Variants in MSRA observed in about 807,000 individuals in gnomAD.
MSRA encodes methionine sulfoxide reductase A.
Under a neutral mutation model 31.3 loss-of-function variants are expected in MSRA, and 54 were observed. The observed-to-expected ratio is 1.73, with a 90% CI of 1.39 to 2.17. The LOEUF is 2.17. Ranked by LOEUF, MSRA falls within the 30% of genes most tolerant of loss-of-function variation. MSRA has a pLI of 0.00. For missense variants in MSRA, 507 were observed against 300.9 expected (o/e 1.69, Z -5.07); for synonymous variants, 169 against 116.5 (o/e 1.45, Z -2.90).
At chr8:10,236,648 G>A (rs1425433629) in intron 2 of MSRA, among the ~76,000 whole-genome samples, 1 of 152,144 alleles carries the variant, frequency 6.6e-6, no homozygotes, top group Non-Finnish European at 1.5e-5. Flanking sequence ...GAGTTCAAGC[G>A]ATTCTCCTGC....
intron 5 of MSRA, among the ~76,000 whole-genome samples, chr8:10,323,348 G>A (rs983072484): frequency 9.9e-5 from 15 of 151,088 alleles, no homozygotes; most frequent in Admixed American, 4.6e-4. Context: ...GTAATGATTC[G>A]TAGTTCTCTA....
At chr8:10,166,828 A>AC (rs557759921) in intron 1 of MSRA, among the ~76,000 whole-genome samples, 4 of 152,008 alleles carry the variant, frequency 2.6e-5, no homozygotes, top group Non-Finnish European at 4.4e-5. Flanking sequence ...CCATGGACTT[A>AC]CCCCAGAATT....
chr8:10,259,829 G>A (rs566613722), intron 3 of MSRA, among the ~76,000 whole-genome samples: 8 of 152,250 alleles, frequency 5.3e-5, no homozygotes, highest in South Asian at 2.1e-4. Flanking sequence ...TGCTCCTCTC[G>A]GCTTCTTCCA....
At chr8:10,290,144 A>G (rs1194255040) in intron 3 of MSRA, among the ~76,000 whole-genome samples, 1 of 152,228 alleles carries the variant, frequency 6.6e-6, no homozygotes, top group Non-Finnish European at 1.5e-5. Context: ...CTCCAAAGTC[A>G]GTGCCATTTA....
At chr8:10,249,757 G>C (rs908844225) in intron 3 of MSRA, among the ~76,000 whole-genome samples, 4 of 152,166 alleles carry the variant, frequency 2.6e-5, no homozygotes, top group African/African-American at 9.7e-5. Context: ...GTGCTGAGAA[G>C]TAATTCATGT....
chr8:10,328,946 G>T (rs1398779767), intron 5 of MSRA, among the ~76,000 whole-genome samples: 1 of 152,116 alleles, frequency 6.6e-6, no homozygotes, highest in Admixed American at 6.5e-5. Flanking sequence ...TGGACATGCT[G>T]CCTGGTTGAG....
intron 1 of MSRA, among the ~76,000 whole-genome samples, chr8:10,117,356 A>G (rs1432724583): frequency 6.6e-6 from 1 of 152,186 alleles, no homozygotes; most frequent in Non-Finnish European, 1.5e-5. Flanking sequence ...CACAGCCTCA[A>G]AAATCCACAG....
chr8:10,059,097 A>C (rs532122989), intron 1 of MSRA: 1 of 152,350 alleles, frequency 6.6e-6, no homozygotes, highest in East Asian at 1.9e-4. Context: ...GCATTTGATA[A>C]AGGTGGTATC....
chr8:10,251,552 T>A (rs1797916371), intron 3 of MSRA, among the ~76,000 whole-genome samples: 1 of 152,132 alleles, frequency 6.6e-6, no homozygotes, highest in Non-Finnish European at 1.5e-5. Context: ...AAATTGGACC[T>A]TAAACTTGTA....
At chr8:10,210,685 C>G (rs1313447064) in intron 2 of MSRA, among the ~76,000 whole-genome samples, 1 of 151,946 alleles carries the variant, frequency 6.6e-6, no homozygotes, top group Admixed American at 6.6e-5. Flanking sequence ...CGTTCTTCAG[C>G]CTTGGAGGTC....
chr8:10,125,365 G>A (rs966530502), intron 1 of MSRA, among the ~76,000 whole-genome samples: 7 of 152,216 alleles, frequency 4.6e-5, no homozygotes, highest in African/African-American at 1.7e-4. Context: ...AGCCCAGGTA[G>A]TCACAGGCTT....
intron 3 of MSRA, among the ~76,000 whole-genome samples, chr8:10,272,710 G>A (rs545528702): frequency 3.3e-5 from 5 of 152,268 alleles, no homozygotes; most frequent in South Asian, 4.1e-4. Flanking sequence ...ACAGGAAAGC[G>A]TCCAAATGTC....
rs1481715144 is a variant in MSRA, at chr8:10,283,834, T to TACACACACACACACAC, written c.332-17699_332-17698insCACACACACACACACA. 1.5e-3 allele frequency among the ~76,000 whole-genome samples: 108 copies of TACACACACACACACAC among 71,052 alleles called. 1 individual carries two copies. Among genetic ancestry groups the TACACACACACACACAC allele is most frequent in the Non-Finnish European group, 2.5e-3 (96 of 38,090 alleles). The allele number at this position is 71,052 out of a possible 152,430, so 46.6% of individuals were successfully genotyped here. A position where few individuals can be genotyped will look rare whatever the true frequency, so the allele number is the denominator to read the frequency against. On this transcript the variant is annotated intron_variant, in intron 3 of 5. Coordinates refer to ENST00000317173, the MANE Select transcript of MSRA (RefSeq NM_012331.5). ...ATATATATATATATATATATATATATATACACACACACACACACACACACA... is the reference window on the plus strand; with the variant it reads ...ATATATATATATATATATATATATATACACACACACACACACATACACACACACACACACACACACA...
At chr8:10,145,477 T>A (rs1353473342) in intron 1 of MSRA, among the ~76,000 whole-genome samples, 1 of 152,172 alleles carries the variant, frequency 6.6e-6, no homozygotes, top group African/African-American at 2.4e-5. Context: ...TTTTTTAGGT[T>A]GCTTGCCGCC....
At chr8:10,084,181 G>T (rs1027407159) in intron 1 of MSRA, among the ~76,000 whole-genome samples, 1 of 152,216 alleles carries the variant, frequency 6.6e-6, no homozygotes, top group Non-Finnish European at 1.5e-5. Flanking sequence ...TCCAAGTTCT[G>T]ATTTCTGGCC....
At chr8:10,224,074 C>T (rs999439278) in intron 2 of MSRA, among the ~76,000 whole-genome samples, 3 of 152,144 alleles carry the variant, frequency 2.0e-5, no homozygotes, top group Admixed American at 6.5e-5. Flanking sequence ...ATCTCTTTGG[C>T]AAGGCAGGTC....
chr8:10,153,265 G>A (rs911542668), intron 1 of MSRA, among the ~76,000 whole-genome samples: 1 of 152,212 alleles, frequency 6.6e-6, no homozygotes, highest in African/African-American at 2.4e-5. Flanking sequence ...GGGGGAGCAT[G>A]TGGATGAGGC....
At chr8:10,317,875 C>T (rs1365525846) in intron 4 of MSRA, among the ~76,000 whole-genome samples, 2 of 152,154 alleles carry the variant, frequency 1.3e-5, no homozygotes, top group South Asian at 2.1e-4. Context: ...TACTGTAGCT[C>T]ATGGGAGTCT....
intron 1 of MSRA, among the ~76,000 whole-genome samples, chr8:10,093,409 C>A (rs1287477834): frequency 5.3e-5 from 8 of 152,254 alleles, no homozygotes; most frequent in African/African-American, 1.9e-4. Context: ...CAATCTAATT[C>A]AGATTAATAC....
Sources: allele counts gnomAD v4.1 joint callset (sites outside exome capture counted in the v4.1 genomes callset), GRCh38; gene constraint gnomAD v4.1.1; transcripts MANE v1.5; gene names NCBI Gene and HGNC (gene_info 2026-07-23, HGNC 2026-07-21).